UBE2E2: variants seen among roughly 807,000 people sequenced by gnomAD.
UBE2E2 encodes ubiquitin-conjugating enzyme E2 E2.
A neutral mutation model predicts 24.7 loss-of-function variants in UBE2E2; 6 were observed. The ratio of observed to expected loss-of-function variants is 0.24; its 90% CI spans 0.13 to 0.48. The LOEUF (loss-of-function observed/expected upper bound fraction) is 0.48, where lower values mean the gene tolerates loss of function less well. UBE2E2 is among the 20% of genes least tolerant of loss of function. The pLI is 0.99. For synonymous variants in UBE2E2, 104 were observed against 83.6 expected (o/e 1.24, Z -1.33); for missense variants, 169 against 245.0 (o/e 0.69, Z 2.07).
At chr3:23,258,900 G>GAAAAAAAAAAAA (rs11333992) in intron 3 of UBE2E2, among the ~76,000 whole-genome samples, 13 of 78,900 alleles carry the variant, frequency 1.6e-4, no homozygotes, top group East Asian at 4.4e-4. Context: ...CTCAAAAAAA[G>GAAAAAAAAAAAA]AAAAAAAAAA....
rs185806544 is a variant in UBE2E2, at chr3:23,439,640, G to A, written c.228-59968G>A. 1.9e-4 allele frequency among the ~76,000 whole-genome samples: 29 copies of A among 152,280 alleles called. 1 individual carries two copies. In the East Asian group the frequency reaches 4.8e-3, roughly 25 times the overall value. Reference sequence around the variant, plus strand: ...TTCTCCAGCTTGTCCTTGAGCAGCTGTCTCCATCCCATCCCTCAAGTGCTT... The same window carrying A: ...TTCTCCAGCTTGTCCTTGAGCAGCTATCTCCATCCCATCCCTCAAGTGCTT... On this transcript the variant is annotated intron_variant, in intron 3 of 5. Coordinates refer to ENST00000396703, the MANE Select transcript of UBE2E2 (RefSeq NM_152653.4).
At position 23,208,799 on chromosome 3, in the gene UBE2E2, GAACAA is replaced by G. The variant is rs1265758665; in HGVS notation, c.101_105del (p.Glu34GlyfsTer17). 1 of 1,613,458 alleles carries G rather than the reference GAACAA, an allele frequency of 6.2e-7. No individual in the cohort carries two copies. Among genetic ancestry groups the G allele is most frequent in the Non-Finnish European group, 8.5e-7 (1 of 1,179,708 alleles). ...AAGTGTTCAGCAAGAACCAGAAAGA[GAACAA>G]GTTCAGCCCAAGAAAAAGGAGGGAA... On this transcript the variant is annotated frameshift_variant, in exon 2 of 6. Coordinates refer to ENST00000396703, the MANE Select transcript of UBE2E2 (RefSeq NM_152653.4). LOFTEE classifies it high-confidence loss of function.
intron 3 of UBE2E2, among the ~76,000 whole-genome samples, chr3:23,453,702 G>A (rs191677839): frequency 6.6e-6 from 1 of 152,270 alleles, no homozygotes; most frequent in East Asian, 1.9e-4. Flanking sequence ...AAAACAAACT[G>A]TGAATACATT....
intron 3 of UBE2E2, among the ~76,000 whole-genome samples, chr3:23,426,925 C>CAT (rs780658347): frequency 1.2e-4 from 18 of 151,844 alleles, no homozygotes; most frequent in East Asian, 1.2e-3. Context: ...TACACACACA[C>CAT]ATATATATAT....
intron 3 of UBE2E2, among the ~76,000 whole-genome samples, chr3:23,424,209 C>T (rs911952895): frequency 6.6e-6 from 1 of 151,938 alleles, no homozygotes; most frequent in African/African-American, 2.4e-5. Flanking sequence ...CTATGTTGAA[C>T]CAGATAAATC....
At chr3:23,339,416 T>C (rs1440472964) in intron 3 of UBE2E2, among the ~76,000 whole-genome samples, 1 of 152,140 alleles carries the variant, frequency 6.6e-6, no homozygotes, top group African/African-American at 2.4e-5. Flanking sequence ...TAGAATAATA[T>C]CAGTATTAGT....
At chr3:23,285,864 TTA>T (rs1698604560) in intron 3 of UBE2E2, among the ~76,000 whole-genome samples, 1 of 152,098 alleles carries the variant, frequency 6.6e-6, no homozygotes, top group Non-Finnish European at 1.5e-5. Context: ...TCTAGCTAAT[TTA>T]TGTTATTTTT....
chr3:23,271,936 C>T (rs1262468987), intron 3 of UBE2E2, among the ~76,000 whole-genome samples: 4 of 152,230 alleles, frequency 2.6e-5, no homozygotes, highest in South Asian at 2.1e-4. Context: ...TTCTCCAAGT[C>T]GTCACCTGAC....
At chr3:23,219,012 A>G (rs1231688023) in intron 3 of UBE2E2, among the ~76,000 whole-genome samples, 4 of 152,208 alleles carry the variant, frequency 2.6e-5, no homozygotes, top group African/African-American at 9.6e-5. Context: ...TAGAAGTCAC[A>G]CATAATAAGC....
chr3:23,274,568 C>T (rs1226339900), intron 3 of UBE2E2, among the ~76,000 whole-genome samples: 1 of 151,856 alleles, frequency 6.6e-6, no homozygotes, highest in Non-Finnish European at 1.5e-5. Context: ...CTCCATGTTG[C>T]CCAGGCTGGT....
At chr3:23,267,576 C>CA (rs1177321586) in intron 3 of UBE2E2, among the ~76,000 whole-genome samples, 6 of 151,766 alleles carry the variant, frequency 4.0e-5, no homozygotes, top group Non-Finnish European at 8.8e-5. Flanking sequence ...GCTTACCAAC[C>CA]AAAAAGAGTC....
At chr3:23,460,568 G>A (rs973689398) in intron 3 of UBE2E2, among the ~76,000 whole-genome samples, 9 of 152,170 alleles carry the variant, frequency 5.9e-5, no homozygotes, top group African/African-American at 2.2e-4. Flanking sequence ...GTTACAATAT[G>A]TATATAAATA....
intron 3 of UBE2E2, among the ~76,000 whole-genome samples, chr3:23,285,540 A>C (rs1698596383): frequency 6.6e-6 from 1 of 152,092 alleles, no homozygotes. Context: ...AGCATTTGTT[A>C]TTGCCTGTCT....
At chr3:23,359,589 A>C (rs1227313621) in intron 3 of UBE2E2, among the ~76,000 whole-genome samples, 3 of 152,190 alleles carry the variant, frequency 2.0e-5, no homozygotes, top group Admixed American at 2.0e-4. Flanking sequence ...TATTAAAAAA[A>C]ATTTGTAGCA....
intron 3 of UBE2E2, among the ~76,000 whole-genome samples, chr3:23,312,924 C>A (rs891172130): frequency 6.6e-6 from 1 of 152,046 alleles, no homozygotes; most frequent in Non-Finnish European, 1.5e-5. Context: ...TTATTGATTT[C>A]TAGTTTTACT....
intron 5 of UBE2E2, among the ~76,000 whole-genome samples, chr3:23,542,537 G>C (rs541572991): frequency 6.6e-6 from 1 of 152,254 alleles, no homozygotes; most frequent in South Asian, 2.1e-4. Flanking sequence ...TAGGCCATGT[G>C]TATCTTCATA....
intron 5 of UBE2E2, among the ~76,000 whole-genome samples, chr3:23,579,151 G>A (rs557817067): frequency 6.6e-6 from 1 of 152,108 alleles, no homozygotes; most frequent in African/African-American, 2.4e-5. Flanking sequence ...CCAGCACTTT[G>A]GGAGGCCAAG....
intron 4 of UBE2E2, among the ~76,000 whole-genome samples, chr3:23,525,885 TCTC>T (rs1399663023): frequency 6.6e-6 from 1 of 152,170 alleles, no homozygotes; most frequent in Non-Finnish European, 1.5e-5. Context: ...CCTCTAAACT[TCTC>T]CTTCTGGCAG....
intron 3 of UBE2E2, among the ~76,000 whole-genome samples, chr3:23,496,546 T>C (rs1181767032): frequency 2.0e-5 from 3 of 152,226 alleles, no homozygotes; most frequent in Admixed American, 6.5e-5. Flanking sequence ...TCCTACTGTA[T>C]AGATTCTTTT....
Sources: gnomAD v4.1 joint callset for allele counts (sites outside exome capture counted in the v4.1 genomes callset) on GRCh38, gnomAD v4.1.1 for gene constraint, MANE v1.5 for transcripts, NCBI Gene and HGNC (gene_info 2026-07-23, HGNC 2026-07-21) for gene names.